LRRC7: variants seen among roughly 807,000 people sequenced by gnomAD.
LRRC7 encodes leucine rich repeat containing 7.
A neutral mutation model predicts 175.7 loss-of-function variants in LRRC7; 23 were observed. The ratio of observed to expected loss-of-function variants is 0.13; its 90% CI spans 0.09 to 0.19. LRRC7 has a LOEUF of 0.19. Ranked by LOEUF, LRRC7 falls within the 10% of genes least tolerant of loss-of-function variation. LRRC7 has a pLI of 1.00. For synonymous variants in LRRC7, 685 were observed against 680.9 expected (o/e 1.01, Z -0.09); for missense variants, 1,354 against 1,904.7 (o/e 0.71, Z 5.38).
chr1:69,629,820 A>C (rs1652197235), intron 1 of LRRC7, among the ~76,000 whole-genome samples: 1 of 152,060 alleles, frequency 6.6e-6, no homozygotes, highest in Non-Finnish European at 1.5e-5. Flanking sequence ...TTTTATTATT[A>C]ATTTCTTGTT....
chr1:69,573,298 T>C (rs770515453), intron 1 of LRRC7, among the ~76,000 whole-genome samples: 3 of 152,176 alleles, frequency 2.0e-5, no homozygotes, highest in Non-Finnish European at 4.4e-5. Flanking sequence ...TGGCATAAAT[T>C]GAAGTTCGGT....
intron 1 of LRRC7, among the ~76,000 whole-genome samples, chr1:69,576,297 A>G (rs866011743): frequency 6.6e-6 from 1 of 151,804 alleles, no homozygotes; most frequent in African/African-American, 2.4e-5. Flanking sequence ...ATATCTGGTT[A>G]AACATCTGTT....
At chr1:69,829,361 T>G (rs1299320168) in intron 5 of LRRC7, among the ~76,000 whole-genome samples, 1 of 151,912 alleles carries the variant, frequency 6.6e-6, no homozygotes, top group Non-Finnish European at 1.5e-5. Flanking sequence ...TATATATAGA[T>G]GTACATTTTG....
chr1:70,066,368 CTA>C (rs1159554909), intron 23 of LRRC7, among the ~76,000 whole-genome samples: 11 of 152,018 alleles, frequency 7.2e-5, no homozygotes, highest in Non-Finnish European at 1.5e-4. Context: ...ACTCCAAAGA[CTA>C]TGTTATCTGT....
chr1:70,115,393 G>A (rs1030751919), intron 26 of LRRC7, among the ~76,000 whole-genome samples: 1 of 152,082 alleles, frequency 6.6e-6, no homozygotes, highest in Admixed American at 6.5e-5. Context: ...GGGTATACAA[G>A]TATGAGAACC....
At chr1:69,823,722 C>T (rs1679570486) in intron 4 of LRRC7, among the ~76,000 whole-genome samples, 1 of 152,096 alleles carries the variant, frequency 6.6e-6, no homozygotes, top group Non-Finnish European at 1.5e-5. Flanking sequence ...CTTTTCTTGA[C>T]TTACATCCTC....
intron 7 of LRRC7, among the ~76,000 whole-genome samples, chr1:69,895,731 A>T (rs970719538): frequency 1.3e-5 from 2 of 152,154 alleles, no homozygotes; most frequent in African/African-American, 4.8e-5. Context: ...ACTGAGCATA[A>T]TTATTCTGGG....
chr1:69,584,478 TTTTTAGCTAGGTGACCTCAGAAAAGTTA>T (rs1646327489), intron 1 of LRRC7, among the ~76,000 whole-genome samples: 2 of 152,140 alleles, frequency 1.3e-5, no homozygotes, highest in South Asian at 2.1e-4. Flanking sequence ...TTTCTGTTAC[TTTTTAGCTAGGTGACCTCAGAAAAGTTA>T]TTTTAACTCT....
intron 1 of LRRC7, among the ~76,000 whole-genome samples, chr1:69,569,640 A>G (rs1052134702): frequency 2.0e-5 from 3 of 152,036 alleles, no homozygotes; most frequent in African/African-American, 7.3e-5. Context: ...GTGACTTCAT[A>G]ATAACGGAGA....
At chr1:70,107,948 C>G in intron 26 of LRRC7, 122 bp downstream of exon 26, 1 of 884,162 alleles carries the variant, frequency 1.1e-6, no homozygotes, top group Non-Finnish European at 1.8e-6. Context: ...TGCTTATTTG[C>G]CTTTATTATT....
intron 2 of LRRC7, among the ~76,000 whole-genome samples, chr1:69,699,015 C>G (rs993080695): frequency 3.3e-5 from 5 of 152,010 alleles, no homozygotes; most frequent in African/African-American, 1.2e-4. Context: ...TTTCAGAGCT[C>G]CTTGAGATTT....
chr1:69,919,343 C>G (rs1167025628), intron 7 of LRRC7: 5 of 595,628 alleles, frequency 8.4e-6, no homozygotes, highest in African/African-American at 5.6e-5. Context: ...AAAACAAGAG[C>G]GTGAGGAGGA....
At chr1:70,017,413 G>GA (rs1195725132) in intron 14 of LRRC7, among the ~76,000 whole-genome samples, 5 of 152,174 alleles carry the variant, frequency 3.3e-5, no homozygotes, top group African/African-American at 9.6e-5. Context: ...TTATTAACTG[G>GA]AAAATAACAA....
chr1:69,980,370 C>T lies in LRRC7; in HGVS notation c.712-9C>T, dbSNP rs373806375. The T allele has an allele frequency of 1.0e-5, 16 of 1,607,692 alleles. No individual in the cohort carries two copies. The highest frequency in any genetic ancestry group is 1.6e-4 in the Middle Eastern group (1 of 6,076). ...TTTCCTCTCTCCTTCCTCCCCACTT[C>T]TCTCCCAGCCTGAAGTTCTGGATCA... On this transcript the variant is annotated splice_polypyrimidine_tract_variant and intron_variant, in intron 8 of 26. Transcript: ENST00000651989.
intron 23 of LRRC7, among the ~76,000 whole-genome samples, chr1:70,057,606 T>A (rs6679799): frequency 0.11 from 16,674 of 151,894 alleles, 1,219 homozygotes; most frequent in African/African-American, 0.19. Context: ...TTTTTTTTTT[T>A]AATCTTGTCT....
chr1:69,588,121 C>A (rs946967258), intron 1 of LRRC7, among the ~76,000 whole-genome samples: 11 of 152,136 alleles, frequency 7.2e-5, no homozygotes. Context: ...GCTTTCTATA[C>A]CTTCTGCCTC....
At chr1:69,674,367 A>G (rs559645849) in intron 1 of LRRC7, among the ~76,000 whole-genome samples, 69 of 152,304 alleles carry the variant, frequency 4.5e-4, no homozygotes, top group African/African-American at 1.6e-3. Flanking sequence ...CACTGAGCAT[A>G]TCTGGGCTTA....
intron 23 of LRRC7, among the ~76,000 whole-genome samples, chr1:70,061,886 G>A: frequency 6.6e-6 from 1 of 152,106 alleles, no homozygotes; most frequent in Non-Finnish European, 1.5e-5. Context: ...TTTCACCTCT[G>A]GTTGAAAAGG....
intron 4 of LRRC7, among the ~76,000 whole-genome samples, chr1:69,815,550 C>G (rs1011807278): frequency 1.3e-5 from 2 of 152,076 alleles, no homozygotes; most frequent in African/African-American, 4.8e-5. Context: ...CAGCTTGATC[C>G]CCCTTCACAG....
Sources: gnomAD v4.1 joint callset for allele counts (sites outside exome capture counted in the v4.1 genomes callset) on GRCh38, gnomAD v4.1.1 for gene constraint, MANE v1.5 for transcripts, NCBI Gene and HGNC (gene_info 2026-07-23, HGNC 2026-07-21) for gene names.